The following ZPBP variants were observed in gnomAD, a reference collection of about 807,000 sequenced individuals.
ZPBP encodes the protein zona pellucida binding protein.
A neutral mutation model predicts 44.8 loss-of-function variants in ZPBP; 26 were observed. The observed-to-expected ratio is 0.58, with a 90% CI of 0.43 to 0.81. ZPBP has a LOEUF of 0.81. ZPBP is among the 30% of genes least tolerant of loss of function. ZPBP has a pLI of 0.00. For missense variants in ZPBP, 409 were observed against 434.0 expected (o/e 0.94, Z 0.51); for synonymous variants, 174 against 153.2 (o/e 1.14, Z -1.00).
rs149035412 is a variant in ZPBP, at chr7:49,931,959, A to G, written n.411+3792T>C. ...ACCTCAGGTCACTGCTTCAGAGGGAAGAAGCCCCAAGCCTTGTAAATTTAC... is the reference window on the plus strand; with the variant it reads ...ACCTCAGGTCACTGCTTCAGAGGGAGGAAGCCCCAAGCCTTGTAAATTTAC... On this transcript the variant is annotated intron_variant and non_coding_transcript_variant, in intron 1 of 2. Coordinates refer to the ZPBP transcript ENST00000465922. 4.0e-3 allele frequency among the ~76,000 whole-genome samples: 604 copies of G among 152,372 alleles called. 6 individuals are homozygous for G. Among genetic ancestry groups the G allele is most frequent in the Non-Finnish European group, 3.7e-3 (255 of 68,030 alleles).
chr7:50,046,643 C>T (rs992408655), intron 4 of ZPBP, among the ~76,000 whole-genome samples: 6 of 152,084 alleles, frequency 3.9e-5, no homozygotes, highest in African/African-American at 9.7e-5. Context: ...AGTCAGGAAA[C>T]AACAGATGCT....
At chr7:49,943,131 A>G in intron 7 of ZPBP, 1 of 328,272 alleles carries the variant, frequency 3.0e-6, no homozygotes, top group Non-Finnish European at 6.0e-6. Context: ...TCAGTAAGTT[A>G]CTCCACCCTT....
At chr7:50,033,651 A>G (rs1273190935) in intron 4 of ZPBP, among the ~76,000 whole-genome samples, 1 of 149,782 alleles carries the variant, frequency 6.7e-6, no homozygotes, top group Non-Finnish European at 1.5e-5. Flanking sequence ...AGAGTCTATA[A>G]TAACGTCAAT....
downstream of ZPBP, among the ~76,000 whole-genome samples, chr7:49,849,625 G>C (rs556169107): frequency 6.6e-6 from 1 of 152,386 alleles, no homozygotes; most frequent in African/African-American, 2.4e-5. Flanking sequence ...CTCAGTGTGA[G>C]AACATGCACC....
At chr7:50,056,911 T>C (rs1294236804) in intron 4 of ZPBP, among the ~76,000 whole-genome samples, 2 of 151,822 alleles carry the variant, frequency 1.3e-5, no homozygotes, top group African/African-American at 2.4e-5. Flanking sequence ...CTTGGCTAGG[T>C]GTGGTGGCTC....
chr7:49,918,221 C>T (rs982716719), intron 1 of ZPBP: 2 of 152,116 alleles, frequency 1.3e-5, no homozygotes, highest in African/African-American at 4.8e-5. Context: ...TAAAAACTGC[C>T]TTAAGATTCA....
At chr7:49,905,218 G>A (rs1279949667) in intron 1 of ZPBP, among the ~76,000 whole-genome samples, 2 of 152,122 alleles carry the variant, frequency 1.3e-5, no homozygotes, top group East Asian at 3.8e-4. Flanking sequence ...TATTCAACAT[G>A]GGCAGTTCTA....
chr7:49,928,264 T>C (rs1290761137), intron 1 of ZPBP, among the ~76,000 whole-genome samples: 2 of 152,232 alleles, frequency 1.3e-5, no homozygotes, highest in Non-Finnish European at 2.9e-5. Flanking sequence ...TGCATTCCTA[T>C]GTGCTGTGTG....
At chr7:50,085,219 A>C (rs774026683) in intron 2 of ZPBP, among the ~76,000 whole-genome samples, 5 of 152,150 alleles carry the variant, frequency 3.3e-5, no homozygotes, top group Non-Finnish European at 5.9e-5. Context: ...TCTAAAAGCC[A>C]AAGACAAATA....
chr7:50,029,357 T>C (rs1799488266), intron 5 of ZPBP, among the ~76,000 whole-genome samples: 1 of 152,170 alleles, frequency 6.6e-6, no homozygotes, highest in South Asian at 2.1e-4. Flanking sequence ...ATCTTAGACG[T>C]AAGTGTAATA....
intron 7 of ZPBP, among the ~76,000 whole-genome samples, chr7:49,961,257 C>A (rs1795851621): frequency 6.6e-6 from 1 of 152,086 alleles, no homozygotes; most frequent in East Asian, 1.9e-4. Context: ...ATGTGCTATA[C>A]CCATACAATG....
chr7:49,882,850 G>A (rs1327434499), intron 2 of ZPBP, among the ~76,000 whole-genome samples: 1 of 151,712 alleles, frequency 6.6e-6, no homozygotes, highest in Non-Finnish European at 1.5e-5. Flanking sequence ...TTGTGTTTTT[G>A]GGTTTTTTTT....
At chr7:50,054,884 A>G (rs1355107264) in intron 4 of ZPBP, among the ~76,000 whole-genome samples, 1 of 152,064 alleles carries the variant, frequency 6.6e-6, no homozygotes, top group East Asian at 1.9e-4. Flanking sequence ...AGCTCACACA[A>G]ATAACAAGAT....
intron 6 of ZPBP, among the ~76,000 whole-genome samples, chr7:50,013,914 T>A (rs1798694803): frequency 6.6e-6 from 1 of 152,098 alleles, no homozygotes; most frequent in Admixed American, 6.6e-5. Context: ...TGGCATTGTT[T>A]TTCTTCTTCA....
intron 4 of ZPBP, among the ~76,000 whole-genome samples, chr7:50,034,434 C>A (rs1256400836): frequency 6.6e-6 from 1 of 152,158 alleles, no homozygotes; most frequent in Non-Finnish European, 1.5e-5. Context: ...CTGATTCAAA[C>A]TACAATCTGG....
At chr7:49,889,499 A>G (rs954428981) in intron 2 of ZPBP, among the ~76,000 whole-genome samples, 3 of 152,264 alleles carry the variant, frequency 2.0e-5, no homozygotes. Context: ...CAGCTAAGAC[A>G]TTGAAATGGG....
At chr7:49,963,190 T>C (rs184844426) in intron 7 of ZPBP, among the ~76,000 whole-genome samples, 22 of 151,620 alleles carry the variant, frequency 1.5e-4, no homozygotes, top group Middle Eastern at 3.4e-3. Context: ...ATTATTATTA[T>C]ACTTTAAGTT....
intron 1 of ZPBP, among the ~76,000 whole-genome samples, chr7:49,902,007 C>A (rs968213108): frequency 6.8e-6 from 1 of 147,296 alleles, no homozygotes; most frequent in Non-Finnish European, 1.5e-5. Context: ...AATCAAGAGA[C>A]AGACTTTACA....
At chr7:49,896,881 AT>A (rs36066373) in intron 2 of ZPBP, among the ~76,000 whole-genome samples, 367 of 94,982 alleles carry the variant, frequency 3.9e-3, no homozygotes, top group South Asian at 0.016. Flanking sequence ...TGGATTGATA[AT>A]TTTTTTTTTT....
Sources: gnomAD v4.1 joint callset for allele counts (sites outside exome capture counted in the v4.1 genomes callset) on GRCh38, gnomAD v4.1.1 for gene constraint, MANE v1.5 for transcripts, NCBI Gene and HGNC (gene_info 2026-07-23, HGNC 2026-07-21) for gene names.